Variants in MYO16 observed in about 807,000 individuals in gnomAD.
MYO16 encodes myosin XVI, also known as unconventional myosin-XVI.
Under a neutral mutation model 205.3 loss-of-function variants are expected in MYO16, and 94 were observed. The ratio of observed to expected loss-of-function variants is 0.46; its 90% CI spans 0.39 to 0.54. The LOEUF (loss-of-function observed/expected upper bound fraction) is 0.54. Among genes scored for constraint, MYO16 ranks in the 20% least tolerant of loss-of-function variants. The pLI, the probability that MYO16 is intolerant of heterozygous loss-of-function variation, is 0.00. For missense variants in MYO16, 2,315 were observed against 2,387.5 expected, an observed-to-expected ratio of 0.97 and a Z score of 0.63; for synonymous variants, 988 against 954.0, an observed-to-expected ratio of 1.04 and a Z score of -0.66.
At position 109,055,669 on chromosome 13, in the gene MYO16, A is replaced by G. The variant is rs1887395741; in HGVS notation, c.3335+74A>G. 1 of 1,337,376 alleles carries G rather than the reference A, an allele frequency of 7.5e-7. No homozygotes were observed. The highest frequency in any genetic ancestry group is 1.1e-6 in the Non-Finnish European group (1 of 948,996). 82.8% of individuals were successfully genotyped at this position (1,337,376 alleles called of 1,614,324 possible). On this transcript the variant is annotated intron_variant, in intron 27 of 34. Transcript: ENST00000457511. The surrounding 1 kb of genome is among the most constrained non-coding windows in gnomAD (Gnocchi z 5.0). ...AGTGTACTGACACTGACACTATTGTAGCAAGGGTCTTCTGTTGTCTTTTTT... is the reference window on the plus strand; with the variant it reads ...AGTGTACTGACACTGACACTATTGTGGCAAGGGTCTTCTGTTGTCTTTTTT...
chr13:109,010,973 A>G (rs1885575739), intron 22 of MYO16, among the ~76,000 whole-genome samples: 1 of 138,784 alleles, frequency 7.2e-6, no homozygotes, highest in Admixed American at 7.3e-5. Context: ...ATATATATAT[A>G]TATTTCTTCA....
rs557899084 is a variant in MYO16, at chr13:109,079,066, G to T, written c.3336-21719G>T. On this transcript the variant is annotated intron_variant, in intron 27 of 34. Coordinates refer to ENST00000457511, the MANE Select transcript of MYO16 (RefSeq NM_001198950.3). The stretch of plus-strand genomic sequence containing the variant: ...TTCTCTGCCCCGAAACTCTTAACTG[G>T]TTGGTATCCCTCATCTCTCATCTCT... 5.9e-5 allele frequency among the ~76,000 whole-genome samples: 9 copies of T among 152,070 alleles called. No individual in the cohort carries two copies. The East Asian group carries it at 1.7e-3, about 29-fold the overall frequency.
the MYO16 span, among the ~76,000 whole-genome samples, chr13:108,577,407 C>T: frequency 6.6e-6 from 1 of 152,154 alleles, no homozygotes. Context: ...ATATAATACA[C>T]ATAATAGAAG....
intron 10 of MYO16, among the ~76,000 whole-genome samples, chr13:108,854,622 T>C (rs1244502739): frequency 2.6e-5 from 4 of 152,106 alleles, no homozygotes; most frequent in African/African-American, 4.8e-5. Context: ...AGAACTCACA[T>C]TGATAAGAAT....
intron 33 of MYO16, among the ~76,000 whole-genome samples, chr13:109,175,928 C>T (rs1470507045): frequency 1.3e-5 from 2 of 151,778 alleles, no homozygotes; most frequent in Non-Finnish European, 2.9e-5. Flanking sequence ...TTCCCTTTAG[C>T]TGCGTGAGAA....
At chr13:108,898,351 A>AGTGTGT (rs3042037) in intron 15 of MYO16, among the ~76,000 whole-genome samples, 5,925 of 145,012 alleles carry the variant, frequency 0.041, 207 homozygotes, top group African/African-American at 0.092. Context: ...AGGGTGTGTG[A>AGTGTGT]GTGTGTGTGT....
At chr13:109,113,475 A>G (rs1489187168) in intron 28 of MYO16, among the ~76,000 whole-genome samples, 1 of 152,232 alleles carries the variant, frequency 6.6e-6, no homozygotes, top group Non-Finnish European at 1.5e-5. Context: ...AATTTTAGAC[A>G]AGAAAGGAAC....
chr13:109,178,688 G>A (rs1879329301), intron 33 of MYO16, among the ~76,000 whole-genome samples: 1 of 152,154 alleles, frequency 6.6e-6, no homozygotes, highest in East Asian at 1.9e-4. Context: ...GCCCGTGTAG[G>A]AGGGGATGAC....
intron 30 of MYO16, among the ~76,000 whole-genome samples, chr13:109,126,339 GC>G (rs1448135853): frequency 6.6e-6 from 1 of 152,180 alleles, no homozygotes; most frequent in Non-Finnish European, 1.5e-5. Context: ...TACATGGGCG[GC>G]TGGCTCTGCC....
At chr13:108,732,421 G>A (rs2840242) in intron 4 of MYO16, among the ~76,000 whole-genome samples, 4,616 of 152,252 alleles carry the variant, frequency 0.03, 228 homozygotes, top group African/African-American at 0.11. Context: ...GAGTATTAAG[G>A]ATGGCTTCAT....
chr13:109,100,016 G>A (rs1307829509), intron 27 of MYO16, among the ~76,000 whole-genome samples: 1 of 152,164 alleles, frequency 6.6e-6, no homozygotes, highest in Non-Finnish European at 1.5e-5. Context: ...AAGGCAACAG[G>A]ATGCAACTGC....
the MYO16 span, among the ~76,000 whole-genome samples, chr13:108,501,313 T>G: frequency 6.6e-6 from 1 of 152,096 alleles, no homozygotes; most frequent in South Asian, 2.1e-4. Context: ...GATTCTAGCT[T>G]CAACAGCTCC....
intron 24 of MYO16, among the ~76,000 whole-genome samples, chr13:109,051,087 T>G (rs1453192230): frequency 2.6e-5 from 4 of 152,170 alleles, no homozygotes; most frequent in African/African-American, 9.7e-5. Flanking sequence ...ATTTAAGATG[T>G]AAGTATAGAT....
chr13:108,994,661 T>A (rs1425707139), intron 21 of MYO16, among the ~76,000 whole-genome samples: 1 of 152,202 alleles, frequency 6.6e-6, no homozygotes, highest in Non-Finnish European at 1.5e-5. Context: ...TTTTATAATA[T>A]GTTTTTTATT....
intron 27 of MYO16, chr13:109,065,542 A>G (rs886225143): frequency 8.7e-6 from 4 of 460,858 alleles, no homozygotes; most frequent in Non-Finnish European, 1.7e-5. Flanking sequence ...AAAAAAAAGA[A>G]AAAGAAAATT....
At chr13:108,646,587 G>A (rs1880766835) in intron 1 of MYO16, among the ~76,000 whole-genome samples, 1 of 152,072 alleles carries the variant, frequency 6.6e-6, no homozygotes, top group African/African-American at 2.4e-5. Context: ...CAGATCAAAA[G>A]GCATGAAATC....
intron 27 of MYO16, among the ~76,000 whole-genome samples, chr13:109,099,801 G>T (rs574502596): frequency 5.9e-5 from 9 of 152,176 alleles, no homozygotes; most frequent in Non-Finnish European, 1.2e-4. Flanking sequence ...AGTAAATAAA[G>T]ATGTGTAGGC....
chr13:108,777,650 G>A lies in MYO16; in HGVS notation c.508-7985G>A, dbSNP rs61968774. 9.8e-3 allele frequency among the ~76,000 whole-genome samples: 1,496 copies of A among 152,286 alleles called. 15 individuals are homozygous for A. Among genetic ancestry groups the A allele is most frequent in the Non-Finnish European group, 0.017 (1,185 of 68,008 alleles). On this transcript the variant is annotated intron_variant, in intron 4 of 34. Coordinates refer to ENST00000457511, the MANE Select transcript of MYO16 (RefSeq NM_001198950.3). ...AAGAAGGAACATCCTGGGCCAGTGA[G>A]AGGAGCCTGTTCCTCCTGCAGTGCC...
intron 20 of MYO16, among the ~76,000 whole-genome samples, chr13:108,974,978 T>C (rs934071598): frequency 6.6e-6 from 1 of 152,220 alleles, no homozygotes; most frequent in East Asian, 1.9e-4. Flanking sequence ...AGATCACTTA[T>C]GAAGACTTTA....
Sources: gnomAD v4.1 joint callset for allele counts (sites outside exome capture counted in the v4.1 genomes callset) on GRCh38, gnomAD v4.1.1 for gene constraint, Gnocchi (gnomAD v3.1) non-coding constraint, MANE v1.5 for transcripts, NCBI Gene and HGNC (gene_info 2026-07-23, HGNC 2026-07-21) for gene names.